MAP3K20: variants seen among roughly 807,000 people sequenced by gnomAD.
MAP3K20 encodes the protein mitogen-activated protein kinase kinase kinase 20, also known as HCCS-4.
MAP3K20 carries 40 observed loss-of-function variants against 85.7 expected under a neutral mutation model. That is an observed-to-expected ratio of 0.47 (90% CI 0.36 to 0.61). The LOEUF is 0.61. Among genes scored for constraint, MAP3K20 ranks in the 20% least tolerant of loss-of-function variants. The pLI is 0.00. For synonymous variants in MAP3K20, 325 were observed against 327.7 expected (o/e 0.99, Z 0.09); for missense variants, 817 against 961.7 (o/e 0.85, Z 1.99).
chr2:173,091,118 T>C lies in MAP3K20; in HGVS notation c.87T>C (p.Ser29=). Residue 29 remains serine, a synonymous_variant, in exon 2 of 20, where the codon AGT becomes AGC. Coordinates refer to ENST00000375213, the MANE Select transcript of MAP3K20 (RefSeq NM_016653.3). ...ACTGCGGTGGAGGAAGTTTTGGGAG[T>C]GTTTATCGAGCCAAATGGATATCAC... is the stretch of plus-strand genomic sequence containing the variant. ...FENCGGGSFG[S]VYRAKWISQD... 1 of 1,613,714 alleles carries C rather than the reference T, an allele frequency of 6.2e-7. No homozygotes were observed. Among genetic ancestry groups the C allele is most frequent in the Non-Finnish European group, 8.5e-7 (1 of 1,179,904 alleles).
chr2:173,144,462 C>CAAAAAAA (rs71018537), intron 2 of MAP3K20, among the ~76,000 whole-genome samples: 5 of 92,884 alleles, frequency 5.4e-5, no homozygotes, highest in Admixed American at 1.4e-4. Flanking sequence ...GACTCCGTCT[C>CAAAAAAA]AAAAAAAAAA....
At chr2:173,107,225 C>T (rs1002589491) in intron 2 of MAP3K20, among the ~76,000 whole-genome samples, 2 of 152,044 alleles carry the variant, frequency 1.3e-5, no homozygotes, top group Non-Finnish European at 2.9e-5. Context: ...ATGAGGGGCT[C>T]CCCACCAAGC....
In MAP3K20 at chr2:173,266,091, A is replaced by G; in HGVS notation, c.1744A>G (p.Ile582Val). Reference sequence around the variant, plus strand: ...GTTAGATACTCTGAGGATGCGGCAGATTGCATCCAACACTTCTTTACAGCG... The same window carrying G: ...GTTAGATACTCTGAGGATGCGGCAGGTTGCATCCAACACTTCTTTACAGCG... Reference protein sequence around the residue: ...QWLDTLRMRQIASNTSLQRSQ... With the variant: ...QWLDTLRMRQVASNTSLQRSQ... Residue 582 changes from isoleucine to valine, a missense_variant, in exon 20 of 20, where the codon ATT (isoleucine) becomes GTT (valine). Physicochemically the swap from Ile to Val is conservative, Grantham distance 29 (BLOSUM62 3). Around this residue, in one of 4 missense-constraint regions of MAP3K20, gnomAD observed 454 missense variants for 476.9 expected, o/e 0.95. Transcript: ENST00000375213. The G allele has an allele frequency of 6.3e-7, 1 of 1,599,848 alleles. No individual in the cohort carries two copies. The highest frequency in any genetic ancestry group is 1.1e-5 in the South Asian group (1 of 88,958).
intron 2 of MAP3K20, among the ~76,000 whole-genome samples, chr2:173,119,282 C>T (rs1286968412): frequency 1.3e-5 from 2 of 152,170 alleles, no homozygotes; most frequent in East Asian, 3.9e-4. Flanking sequence ...CAGTGACGAT[C>T]TCGAGTGTGT....
rs1168692551 is a variant in MAP3K20 at position 173,239,490 on chromosome 2, C to T, written c.1353C>T (p.Gly451=). The T allele has an allele frequency of 3.1e-6, 5 of 1,610,528 alleles. No homozygotes were observed. The highest frequency in any genetic ancestry group is 4.2e-6 in the Non-Finnish European group (5 of 1,179,188). ...VFGFHLKPGT[G]PQDCKWKMYM... Reference sequence around the variant, plus strand: ...GTTTTCACTTGAAACCAGGAACTGGCCCACAGGTAAATCACATTTTAAATC... The same window carrying T: ...GTTTTCACTTGAAACCAGGAACTGGTCCACAGGTAAATCACATTTTAAATC... The change falls in exon 16 of 20, where the codon GGC becomes GGT. Residue 451 remains glycine, a synonymous_variant. Transcript: ENST00000375213.
At chr2:173,193,734 T>A (rs972516305) in intron 7 of MAP3K20, among the ~76,000 whole-genome samples, 1 of 152,190 alleles carries the variant, frequency 6.6e-6, no homozygotes, top group Non-Finnish European at 1.5e-5. Flanking sequence ...TTCAGTGTTT[T>A]TTATTAAAAA....
chr2:173,257,320 C>T (rs993836511), intron 16 of MAP3K20, among the ~76,000 whole-genome samples: 1 of 152,160 alleles, frequency 6.6e-6, no homozygotes, highest in African/African-American at 2.4e-5. Flanking sequence ...TCCTCATACC[C>T]CTTGTAAGTC....
At chr2:173,160,536 C>T (rs1689628248) in intron 2 of MAP3K20, 1 of 152,020 alleles carries the variant, frequency 6.6e-6, no homozygotes, top group African/African-American at 2.4e-5. Flanking sequence ...GATCATGAAC[C>T]TTTTATACTT....
At chr2:173,251,491 A>G (rs1685041641) in intron 16 of MAP3K20, among the ~76,000 whole-genome samples, 1 of 152,220 alleles carries the variant, frequency 6.6e-6, no homozygotes, top group Non-Finnish European at 1.5e-5. Flanking sequence ...AGTGCTCTCT[A>G]TAACAGGGTA....
intron 14 of MAP3K20, among the ~76,000 whole-genome samples, chr2:173,237,318 C>T (rs2106335790): frequency 6.6e-6 from 1 of 152,180 alleles, no homozygotes; most frequent in East Asian, 1.9e-4. Context: ...TGAGCCACCG[C>T]ACGCGGCCCC....
chr2:173,225,915 A>C (rs2106326084), intron 11 of MAP3K20: 1 of 985,096 alleles, frequency 1.0e-6, no homozygotes, highest in East Asian at 1.1e-4. Flanking sequence ...AATTAAAAAA[A>C]AAAAAGAAAA....
intron 17 of MAP3K20, among the ~76,000 whole-genome samples, chr2:173,259,871 T>C (rs773653467): frequency 2.6e-5 from 4 of 152,206 alleles, no homozygotes; most frequent in Non-Finnish European, 5.9e-5. Context: ...TTTCCTTTCT[T>C]CCCCACCCAT....
chr2:173,113,145 A>G (rs1688020514), intron 2 of MAP3K20, among the ~76,000 whole-genome samples: 1 of 152,034 alleles, frequency 6.6e-6, no homozygotes, highest in Non-Finnish European at 1.5e-5. Flanking sequence ...GTATTTTTCC[A>G]GGAATTTATC....
At chr2:173,090,875 A>C in intron 1 of MAP3K20, 123 bp from the exon 2 acceptor site, 1 of 1,368,312 alleles carries the variant, frequency 7.3e-7, no homozygotes, top group Non-Finnish European at 9.4e-7. Flanking sequence ...TCTTCTTCCT[A>C]AGTCACCGTG....
intron 16 of MAP3K20, among the ~76,000 whole-genome samples, chr2:173,258,063 G>A (rs2106353648): frequency 6.6e-6 from 1 of 152,260 alleles, no homozygotes; most frequent in East Asian, 1.9e-4. Context: ...TTCCACATGG[G>A]AACAATCAAC....
Position 173,223,832 on chromosome 2 carries a change from T to G in MAP3K20, c.988-5857T>G, listed in dbSNP as rs2106323859. 6 of 985,446 alleles carry G rather than the reference T, an allele frequency of 6.1e-6. No homozygotes were observed. The South Asian group carries it at 2.3e-4, about 39-fold the overall frequency. 61.0% of individuals were successfully genotyped at this position (985,446 alleles called of 1,614,324 possible). A position where few individuals can be genotyped will look rare whatever the true frequency, so the allele number is the denominator to read the frequency against. Reference sequence around the variant, plus strand: ...AGAAGTACTACCTGACTTGAGTCAATGCACCCAAGAAGAAAAGCTTGGAGT... The same window carrying G: ...AGAAGTACTACCTGACTTGAGTCAAGGCACCCAAGAAGAAAAGCTTGGAGT... On this transcript the variant is annotated intron_variant, in intron 11 of 19. Transcript: ENST00000375213.
intron 7 of MAP3K20, among the ~76,000 whole-genome samples, chr2:173,195,354 A>G (rs896012508): frequency 1.3e-5 from 2 of 152,164 alleles, no homozygotes; most frequent in African/African-American, 4.8e-5. Context: ...GGCTCAGGTA[A>G]TGGCTTTCTA....
At position 173,084,669 on chromosome 2, in the gene MAP3K20, A is replaced by G. The variant is rs117169784; in HGVS notation, c.-34-6329A>G. 2.3e-3 allele frequency among the ~76,000 whole-genome samples: 347 copies of G among 152,342 alleles called. 8 individuals carry two copies. The highest frequency in any genetic ancestry group is 0.017 in the East Asian group (88 of 5,186). On this transcript the variant is annotated intron_variant, in intron 1 of 19. Coordinates refer to ENST00000375213, the MANE Select transcript of MAP3K20 (RefSeq NM_016653.3). Reference sequence around the variant, plus strand: ...AAACTAAGAGATATAATATAAAACAATTCTGAAAATGGGGAGAGGAAAGCT... The same window carrying G: ...AAACTAAGAGATATAATATAAAACAGTTCTGAAAATGGGGAGAGGAAAGCT...
In MAP3K20 at chr2:173,121,737, G is replaced by GC. The variant is rs1045222585; in HGVS notation, c.159+30554dup. Among the ~76,000 whole-genome samples the GC allele has an allele frequency of 1.5e-4, 23 of 151,992 alleles. No homozygotes were observed. The East Asian group carries it at 1.5e-3, about 10-fold the overall frequency. ...CGTGTCTATTCCATTCAGCATGGAT[G>GC]CCCCCCCGCCGCCCACCCGCCACCA... is the stretch of plus-strand genomic sequence containing the variant. On this transcript the variant is annotated intron_variant, in intron 2 of 19. Coordinates refer to ENST00000375213, the MANE Select transcript of MAP3K20 (RefSeq NM_016653.3).
Sources: allele counts gnomAD v4.1 joint callset (sites outside exome capture counted in the v4.1 genomes callset), GRCh38; gene constraint gnomAD v4.1.1; regional missense constraint gnomAD v4.1.1; transcripts MANE v1.5; gene names NCBI Gene and HGNC (gene_info 2026-07-23, HGNC 2026-07-21).